BMPR2: variants seen among roughly 807,000 people sequenced by gnomAD.
BMPR2 encodes the protein bone morphogenetic protein receptor type 2, also known as bone morphogenetic protein receptor type-2.
In BMPR2, 29 loss-of-function variants were observed where a neutral mutation model predicts 100.8. The ratio of observed to expected loss-of-function variants is 0.29; its 90% confidence interval spans 0.21 to 0.39. The LOEUF (loss-of-function observed/expected upper bound fraction) is 0.39. Among genes scored for constraint, BMPR2 ranks in the 10% least tolerant of loss-of-function variants. The probability of loss-of-function intolerance (pLI) is 1.00; values close to 1 mark genes in which losing one functional copy is unlikely to be tolerated. For missense variants in BMPR2, 1,011 were observed against 1,274.5 expected, an observed-to-expected ratio of 0.79 and a Z score of 3.15; for synonymous variants, 382 against 442.3, an observed-to-expected ratio of 0.86 and a Z score of 1.71.
chr2:202,501,759 A>C (rs982033998), intron 3 of BMPR2, among the ~76,000 whole-genome samples: 1 of 152,236 alleles, frequency 6.6e-6, no homozygotes, highest in Non-Finnish European at 1.5e-5. Flanking sequence ...CTTAGATACC[A>C]GGCACTACTC....
At chr2:202,471,234 T>G (rs1410124878) in intron 3 of BMPR2, among the ~76,000 whole-genome samples, 1 of 152,168 alleles carries the variant, frequency 6.6e-6, no homozygotes, top group Non-Finnish European at 1.5e-5. Context: ...GAATCATGAG[T>G]AGAATGTCAA....
chr2:202,513,020 A>G (rs1459542899), intron 3 of BMPR2, among the ~76,000 whole-genome samples: 1 of 151,262 alleles, frequency 6.6e-6, no homozygotes, highest in East Asian at 1.9e-4. Context: ...GCTGGAGTAC[A>G]GTGATACAAT....
At position 202,565,057 on chromosome 2, in the gene BMPR2, A is replaced by C. The variant is rs531170802; in HGVS notation, c.*5111A>C. 6 of 152,168 alleles carry C rather than the reference A, an allele frequency of 3.9e-5. No homozygotes were observed. The highest frequency in any genetic ancestry group is 6.5e-5 in the Admixed American group (1 of 15,268). 9.4% of individuals were successfully genotyped at this position (152,168 alleles called of 1,614,324 possible). A position where few individuals can be genotyped will look rare whatever the true frequency, so the allele number is the denominator to read the frequency against. On this transcript the variant is annotated 3_prime_UTR_variant, in exon 13 of 13. Transcript: ENST00000374580. ...GAGTGAGACTCCATCTCAAAAAAAA[A>C]CAAAAAAAATCACCTCATAGTTTAT...
At chr2:202,394,462 A>G (rs1394186935) in intron 1 of BMPR2, among the ~76,000 whole-genome samples, 4 of 152,172 alleles carry the variant, frequency 2.6e-5, no homozygotes, top group African/African-American at 4.8e-5. Flanking sequence ...CAGATTAAGT[A>G]AAATAGCTAC....
At chr2:202,486,369 T>A (rs1157699037) in intron 3 of BMPR2, among the ~76,000 whole-genome samples, 5 of 152,136 alleles carry the variant, frequency 3.3e-5, no homozygotes, top group Admixed American at 3.3e-4. Context: ...TGGCTCACGC[T>A]TGTAATCCCA....
intron 3 of BMPR2, among the ~76,000 whole-genome samples, chr2:202,488,350 T>C (rs1023134504): frequency 2.6e-5 from 4 of 152,188 alleles, no homozygotes; most frequent in Admixed American, 2.6e-4. Context: ...TTCAGGTGTT[T>C]ATATGTATAT....
At chr2:202,384,195 A>G (rs1226071161) in intron 1 of BMPR2, among the ~76,000 whole-genome samples, 3 of 152,190 alleles carry the variant, frequency 2.0e-5, no homozygotes, top group Admixed American at 6.6e-5. Context: ...AAACAAAAAA[A>G]CACTGATATG....
At chr2:202,496,951 C>T (rs6737475) in intron 3 of BMPR2, among the ~76,000 whole-genome samples, 18,155 of 152,274 alleles carry the variant, frequency 0.12, 1,201 homozygotes, top group Admixed American at 0.14. Flanking sequence ...GCCACGCTTG[C>T]GGGCCAGCTG....
At chr2:202,531,383 C>T (rs528923581) in intron 8 of BMPR2, among the ~76,000 whole-genome samples, 1 of 152,176 alleles carries the variant, frequency 6.6e-6, no homozygotes, top group African/African-American at 2.4e-5. Flanking sequence ...CTCATAAAGG[C>T]CTTTGTAAAG....
intron 1 of BMPR2, among the ~76,000 whole-genome samples, chr2:202,424,111 C>T (rs1474867429): frequency 2.0e-5 from 3 of 148,240 alleles, no homozygotes; most frequent in African/African-American, 7.4e-5. Flanking sequence ...CAGTGGCTCA[C>T]CCCTGTGATC....
In BMPR2 at chr2:202,564,255, T is replaced by G. The variant is rs1688720173; in HGVS notation, c.*4309T>G. The stretch of plus-strand genomic sequence containing the variant: ...ATCATTAACTCCTAGAATTTGAGAT[T>G]ATATTTCCATACAACATTTTATAAA... On this transcript the variant is annotated 3_prime_UTR_variant, in exon 13 of 13. Coordinates refer to ENST00000374580, the MANE Select transcript of BMPR2 (RefSeq NM_001204.7). The G allele has an allele frequency of 6.6e-6, 1 of 152,246 alleles. No homozygotes were observed. The highest frequency in any genetic ancestry group is 2.4e-5 in the African/African-American group (1 of 41,468). The allele number at this position is 152,246 out of a possible 1,614,324, so 9.4% of individuals were successfully genotyped here. A position where few individuals can be genotyped will look rare whatever the true frequency, so the allele number is the denominator to read the frequency against.
rs761645995 is a variant in BMPR2 at position 202,556,006 on chromosome 2, T to C, written c.2341T>C (p.Leu781=). 1 of 1,614,132 alleles carries C rather than the reference T, an allele frequency of 6.2e-7. No individual in the cohort carries two copies. The highest frequency in any genetic ancestry group is 8.5e-7 in the Non-Finnish European group (1 of 1,180,026). ...ATTTGGCAGCAAGCACAAATCAAACTTGAAACAAGTCGAAACTGGAGTTGC... is the reference window on the plus strand; with the variant it reads ...ATTTGGCAGCAAGCACAAATCAAACCTGAAACAAGTCGAAACTGGAGTTGC... The part of the protein sequence containing the change: ...LKFGSKHKSN[L]KQVETGVAKM... Residue 781 remains leucine (L), a synonymous_variant, in exon 12 of 13, where the codon TTG becomes CTG. Transcript: ENST00000374580.
chr2:202,444,024 C>T (rs774839969), intron 1 of BMPR2, among the ~76,000 whole-genome samples: 1 of 150,664 alleles, frequency 6.6e-6, no homozygotes, highest in Non-Finnish European at 1.5e-5. Flanking sequence ...GGTACTACCA[C>T]CGGTTGTAGT....
In BMPR2 at chr2:202,556,031, C is replaced by T. The variant is rs766179634; in HGVS notation, c.2366C>T (p.Ala789Val). 3 of 1,614,118 alleles carry T rather than the reference C, an allele frequency of 1.9e-6. No individual in the cohort carries two copies. The highest frequency in any genetic ancestry group is 2.5e-6 in the Non-Finnish European group (3 of 1,180,038). The stretch of plus-strand genomic sequence containing the variant: ...TTGAAACAAGTCGAAACTGGAGTTG[C>T]CAAGATGAATACAATCAATGCAGCA... ...SNLKQVETGV[A>V]KMNTINAAEP... The change falls in exon 12 of 13, where the codon GCC (alanine) becomes GTC (valine). Residue 789 changes from alanine (A) to valine (V), a missense_variant. Around this residue, in one of 6 missense-constraint regions of BMPR2, gnomAD observed 508 missense variants for 552.0 expected, o/e 0.92. Transcript: ENST00000374580.
rs180957374 is a variant in BMPR2 at position 202,473,361 on chromosome 2, A to G, written c.418+5672A>G. 4.6e-5 allele frequency among the ~76,000 whole-genome samples: 7 copies of G among 152,252 alleles called. No individual in the cohort carries two copies. In the East Asian group the frequency reaches 1.2e-3, roughly 25 times the overall value. ...GATGGGAGGATCACTTGAGTATGGG[A>G]GGATCACTTGAGTTTGGGAGGCGGA... On this transcript the variant is annotated intron_variant, in intron 3 of 12. Transcript: ENST00000374580.
At chr2:202,544,205 T>C (rs1688332925) in intron 10 of BMPR2, among the ~76,000 whole-genome samples, 2 of 152,290 alleles carry the variant, frequency 1.3e-5, no homozygotes, top group Admixed American at 1.3e-4. Context: ...TTTCTTGTCA[T>C]CTTTCTTTGT....
intron 3 of BMPR2, among the ~76,000 whole-genome samples, chr2:202,485,004 A>C (rs911940911): frequency 3.5e-4 from 53 of 151,266 alleles, no homozygotes; most frequent in South Asian, 2.1e-4. Context: ...AAAGAAGAAA[A>C]AAAATAGAGA....
chr2:202,438,399 C>T (rs1195349526), intron 1 of BMPR2, among the ~76,000 whole-genome samples: 3 of 150,444 alleles, frequency 2.0e-5, no homozygotes, highest in Non-Finnish European at 4.4e-5. Context: ...GTAAATTTTT[C>T]CCCCATTCTG....
intron 9 of BMPR2, among the ~76,000 whole-genome samples, chr2:202,535,024 C>T (rs1234304936): frequency 7.3e-6 from 1 of 137,224 alleles, no homozygotes; most frequent in South Asian, 2.4e-4. Context: ...GTCGGCTGGC[C>T]GGGCGGGTGG....
Sources: gnomAD v4.1 joint callset for allele counts (sites outside exome capture counted in the v4.1 genomes callset) on GRCh38, gnomAD v4.1.1 for gene constraint, gnomAD v4.1.1 regional missense constraint, MANE v1.5 for transcripts, NCBI Gene and HGNC (gene_info 2026-07-23, HGNC 2026-07-21) for gene names.